Variants in DHX30 observed in about 807,000 individuals in gnomAD.
DHX30 encodes the protein ATP-dependent RNA helicase DHX30.
In DHX30, 4 loss-of-function variants were observed where a neutral mutation model predicts 116.9. The ratio of observed to expected loss-of-function variants is 0.03; its 90% CI spans 0.02 to 0.08. DHX30 has a LOEUF of 0.08. DHX30 is among the 10% of genes least tolerant of loss of function. The pLI, the probability that DHX30 is intolerant of heterozygous loss-of-function variation, is 1.00. For missense variants in DHX30, 871 were observed against 1,595.1 expected, an observed-to-expected ratio of 0.55 and a Z score of 7.73; for synonymous variants, 697 against 651.7, an observed-to-expected ratio of 1.07 and a Z score of -1.06.
At chr3:47,814,727 A>T (rs574215153) in intron 3 of DHX30, among the ~76,000 whole-genome samples, 142 of 152,012 alleles carry the variant, frequency 9.3e-4, no homozygotes, top group African/African-American at 3.3e-3. Flanking sequence ...TCACCATGTT[A>T]GCCAGGATGG....
intron 6 of DHX30, among the ~76,000 whole-genome samples, chr3:47,830,047 G>A (rs1410582415): frequency 1.3e-5 from 2 of 151,312 alleles, no homozygotes; most frequent in Admixed American, 6.6e-5. Flanking sequence ...AGCCAGGATG[G>A]TCTCAATCTC....
intron 4 of DHX30, chr3:47,826,088 C>T (rs912963116): frequency 6.6e-6 from 1 of 152,216 alleles, no homozygotes; most frequent in African/African-American, 2.4e-5. Flanking sequence ...ATTCTCAGGT[C>T]CCCTGTGGGG....
At chr3:47,824,579 A>G (rs984507390) in intron 4 of DHX30, among the ~76,000 whole-genome samples, 1 of 152,130 alleles carries the variant, frequency 6.6e-6, no homozygotes, top group Non-Finnish European at 1.5e-5. Context: ...GGCATGAGCC[A>G]CGGCGCCTGG....
chr3:47,814,429 C>CAAAAAAAA (rs71625837), intron 3 of DHX30, among the ~76,000 whole-genome samples: 21 of 92,632 alleles, frequency 2.3e-4, no homozygotes, highest in African/African-American at 3.8e-4. Flanking sequence ...TGTCTCAAAA[C>CAAAAAAAA]AAAAAAAAAA....
intron 4 of DHX30, among the ~76,000 whole-genome samples, chr3:47,822,775 A>G (rs368931212): frequency 1.7e-3 from 256 of 150,698 alleles, no homozygotes; most frequent in African/African-American, 5.8e-3. Flanking sequence ...ACAGAACAAG[A>G]CTCTGTCTCA....
intron 5 of DHX30, 84 bp from the exon 6 acceptor site, chr3:47,828,940 C>CTGCTGCTGTGAGGT: frequency 1.3e-6 from 1 of 791,050 alleles, no homozygotes; most frequent in African/African-American, 1.7e-5. Flanking sequence ...GCTGTGAGGT[C>CTGCTGCTGTGAGGT]CACCACTGTT....
chr3:47,842,513 T>A (rs62263577), intron 8 of DHX30: 6,817 of 152,540 alleles, frequency 0.045, 219 homozygotes, highest in Non-Finnish European at 0.069. Context: ...TTTGATTCTT[T>A]TGATTCTTGC....
chr3:47,818,008 C>T lies in DHX30; in HGVS notation c.29-14C>T. 2.6e-6 allele frequency: 2 copies of T among 781,066 alleles called. No individual in the cohort carries two copies. The highest frequency in any genetic ancestry group is 2.7e-5 in the South Asian group (2 of 74,632). 48.4% of individuals were successfully genotyped at this position (781,066 alleles called of 1,614,324 possible). ...TGAGAACATGTCGCCCTGATGCCCT[C>T]TCTCTTTCCCCAGATCGGGCCCAGC... is the stretch of plus-strand genomic sequence containing the variant. On this transcript the variant is annotated splice_polypyrimidine_tract_variant and intron_variant, in intron 3 of 21. Coordinates refer to ENST00000445061, the MANE Select transcript of DHX30 (RefSeq NM_138615.3).
intron 2 of DHX30, among the ~76,000 whole-genome samples, chr3:47,806,541 G>A (rs1293941952): frequency 1.3e-5 from 2 of 151,170 alleles, no homozygotes; most frequent in Admixed American, 1.3e-4. Context: ...CGCCTCCCGG[G>A]TTCAAGCGAT....
intron 2 of DHX30, 125 bp from the exon 3 acceptor site, chr3:47,810,532 C>G: frequency 1.4e-6 from 1 of 720,680 alleles, no homozygotes; most frequent in Non-Finnish European, 2.4e-6. Flanking sequence ...GCAGTTGGGG[C>G]TCATTAGTGA....
rs146128292 is a variant in DHX30, at chr3:47,848,913, C to A, written c.2770-7C>A. 4.3e-5 allele frequency: 69 copies of A among 1,599,828 alleles called. No homozygotes were observed. In the Middle Eastern group the frequency reaches 6.7e-4, roughly 15 times the overall value. On this transcript the variant is annotated splice_polypyrimidine_tract_variant and splice_region_variant and intron_variant, in intron 17 of 21. Transcript: ENST00000445061. The surrounding 1 kb of genome is among the most constrained non-coding windows in gnomAD (Gnocchi z 9.4). ...TGTGATCCGGCTGCCCTCTTCTCCCCTCCCAGGTGAAAGCACTGTTGAGCC... is the reference window on the plus strand; with the variant it reads ...TGTGATCCGGCTGCCCTCTTCTCCCATCCCAGGTGAAAGCACTGTTGAGCC...
intron 19 of DHX30, 25 bp from the exon 20 acceptor site, chr3:47,849,426 C>T (rs751651932): frequency 2.7e-5 from 42 of 1,571,228 alleles, no homozygotes; most frequent in Non-Finnish European, 3.6e-5. Context: ...CTCAGCCCCA[C>T]CCGTCTTTTC....
intron 4 of DHX30, chr3:47,824,692 A>G (rs2036462364): frequency 9.7e-6 from 2 of 206,266 alleles, no homozygotes; most frequent in Middle Eastern, 1.7e-3. Flanking sequence ...AACAATTGGT[A>G]GGACCTAGAG....
intron 3 of DHX30, among the ~76,000 whole-genome samples, chr3:47,817,344 C>T (rs4858860): frequency 0.63 from 95,211 of 152,072 alleles, 30,610 homozygotes; most frequent in East Asian, 0.72. Context: ...AGACTCAGTG[C>T]CTTAATTTTC....
Position 47,827,574 on chromosome 3 carries a change from A to G in DHX30, c.255+97A>G, listed in dbSNP as rs908770237. Reference sequence around the variant, plus strand: ...GGTTTCTTTGTCAAGGAGGCCATAGAATGGGTTTCCTGAATTAAAATGGTC... The same window carrying G: ...GGTTTCTTTGTCAAGGAGGCCATAGGATGGGTTTCCTGAATTAAAATGGTC... On this transcript the variant is annotated intron_variant, in intron 5 of 21. Transcript: ENST00000445061. 4 of 1,471,118 alleles carry G rather than the reference A, an allele frequency of 2.7e-6. No homozygotes were observed. The African/African-American group carries it at 5.7e-5, about 21-fold the overall frequency. 91.1% of individuals were successfully genotyped at this position (1,471,118 alleles called of 1,614,324 possible).
chr3:47,809,051 G>A (rs1198233968), intron 2 of DHX30, among the ~76,000 whole-genome samples: 1 of 151,894 alleles, frequency 6.6e-6, no homozygotes, highest in Admixed American at 6.6e-5. Context: ...ACCGTGCCTG[G>A]CTAATTTTTT....
chr3:47,827,522 A>G, intron 5 of DHX30, 45 bp downstream of exon 5: 1 of 1,587,630 alleles, frequency 6.3e-7, no homozygotes, highest in Non-Finnish European at 8.6e-7. Flanking sequence ...TGACTCAGAA[A>G]GGAGGCTGTT....
At chr3:47,806,031 G>A (rs1029605667) in intron 2 of DHX30, among the ~76,000 whole-genome samples, 7 of 148,352 alleles carry the variant, frequency 4.7e-5, no homozygotes, top group Admixed American at 1.3e-4. Context: ...TTGCCCTGTC[G>A]CCCAGGCTGG....
rs2036235033 is a variant in DHX30, at chr3:47,820,173, G to A, written c.124+2056G>A. On this transcript the variant is annotated intron_variant, in intron 4 of 21. Transcript: ENST00000445061. The stretch of plus-strand genomic sequence containing the variant: ...ACTAAACATACAAAAAATTAGCTGG[G>A]TGTGGTGGTGCATGCCTGTAATCCC... Among the ~76,000 whole-genome samples, 2 of 152,230 alleles carry A rather than the reference G, an allele frequency of 1.3e-5. 1 individual carries two copies. The highest frequency in any genetic ancestry group is 4.8e-5 in the African/African-American group (2 of 41,456).
Sources: gnomAD v4.1 joint callset for allele counts (sites outside exome capture counted in the v4.1 genomes callset) on GRCh38, gnomAD v4.1.1 for gene constraint, Gnocchi (gnomAD v3.1) non-coding constraint, MANE v1.5 for transcripts, NCBI Gene and HGNC (gene_info 2026-07-23, HGNC 2026-07-21) for gene names.